PINX1: variants seen among roughly 807,000 people sequenced by gnomAD.
PINX1 encodes the protein PIN2 (TERF1) interacting telomerase inhibitor 1.
In PINX1, 34 loss-of-function variants were observed where a neutral mutation model predicts 25.4. The observed-to-expected ratio is 1.34, with a 90% confidence interval of 1.02 to 1.78. The LOEUF (loss-of-function observed/expected upper bound fraction) is 1.78, where lower values mean the gene tolerates loss of function less well. Ranked by LOEUF, PINX1 falls within the 40% of genes most tolerant of loss-of-function variation. PINX1 has a pLI of 0.00. For missense variants in PINX1, 592 were observed against 404.9 expected, an observed-to-expected ratio of 1.46 and a Z score of -3.97; for synonymous variants, 197 against 147.7, an observed-to-expected ratio of 1.33 and a Z score of -2.42.
chr8:10,765,789 G>C lies in PINX1; in HGVS notation c.599C>G (p.Ser200Cys), dbSNP rs752110709. Residue 200 changes from serine to cysteine, a missense_variant, in exon 7 of 7, where the codon TCT becomes TGT. Ser to Cys is a moderately radical substitution (Grantham distance 112). Transcript: ENST00000314787. ...KNKPQVPVPG[S>C]DISETQVERK... Reference sequence around the variant, plus strand: ...TTCCACCTGCGTCTCAGAAATGTCAGACCCTGGAACTGGAACCTGGGGCTT... The same window carrying C: ...TTCCACCTGCGTCTCAGAAATGTCACACCCTGGAACTGGAACCTGGGGCTT... 1.1e-5 allele frequency: 18 copies of C among 1,613,766 alleles called. No individual in the cohort carries two copies. Among genetic ancestry groups the C allele is most frequent in the African/African-American group, 2.7e-5 (2 of 74,900 alleles).
At chr8:10,783,060 T>G (rs542684007) in intron 6 of PINX1, among the ~76,000 whole-genome samples, 1 of 152,174 alleles carries the variant, frequency 6.6e-6, no homozygotes, top group African/African-American at 2.4e-5. Context: ...GGAGACTCCA[T>G]AGATTGCAAG....
At chr8:10,770,081 A>G (rs1166306196) in intron 6 of PINX1, among the ~76,000 whole-genome samples, 1 of 152,262 alleles carries the variant, frequency 6.6e-6, no homozygotes, top group Non-Finnish European at 1.5e-5. Context: ...TAGCATGTAC[A>G]TTCACTTGAA....
chr8:10,807,875 T>C (rs1802504142), intron 6 of PINX1, among the ~76,000 whole-genome samples: 1 of 152,154 alleles, frequency 6.6e-6, no homozygotes, highest in Admixed American at 6.5e-5. Flanking sequence ...AGCCAGCACC[T>C]AGTCCTGAGG....
At chr8:10,769,356 A>C (rs1801155345) in intron 6 of PINX1, among the ~76,000 whole-genome samples, 1 of 152,164 alleles carries the variant, frequency 6.6e-6, no homozygotes, top group African/African-American at 2.4e-5. Context: ...TTCAGCGCTA[A>C]TGAGTGCATC....
At chr8:10,777,137 C>A (rs1456423659) in intron 6 of PINX1, among the ~76,000 whole-genome samples, 1 of 152,216 alleles carries the variant, frequency 6.6e-6, no homozygotes, top group Non-Finnish European at 1.5e-5. Context: ...ACAAAACAGC[C>A]CAGCAACTTC....
intron 1 of PINX1, among the ~76,000 whole-genome samples, chr8:10,839,422 G>A (rs1798501492): frequency 6.6e-6 from 1 of 152,226 alleles, no homozygotes; most frequent in Admixed American, 6.5e-5. Context: ...ACCAGTCCGG[G>A]ACCCCACAAA....
intron 3 of PINX1, among the ~76,000 whole-genome samples, 185 bp from the exon 4 acceptor site, chr8:10,831,928 C>T (rs1443589608): frequency 3.3e-5 from 5 of 152,058 alleles, no homozygotes; most frequent in Admixed American, 3.3e-4. Flanking sequence ...GCTCTTTATC[C>T]AGGTCAATAT....
chr8:10,827,737 T>C (rs1798101143), intron 4 of PINX1, among the ~76,000 whole-genome samples: 1 of 150,128 alleles, frequency 6.7e-6, no homozygotes, highest in Non-Finnish European at 1.5e-5. Flanking sequence ...AAACCCCGTC[T>C]CTACTAAAAA....
intron 4 of PINX1, among the ~76,000 whole-genome samples, chr8:10,827,547 A>G (rs1462201541): frequency 2.0e-5 from 3 of 152,054 alleles, no homozygotes; most frequent in Admixed American, 1.3e-4. Flanking sequence ...AGAAACGATC[A>G]TAGGCAGAAG....
chr8:10,783,815 C>T lies in PINX1; in HGVS notation c.472-17899G>A, dbSNP rs558259422. ...AGAACTATGAAATAATGAGATATTA[C>T]CCTGAAGGGAGTCATTCTAAGACTA... On this transcript the variant is annotated intron_variant, in intron 6 of 6. Transcript: ENST00000314787. Among the ~76,000 whole-genome samples, 30 of 152,306 alleles carry T rather than the reference C, an allele frequency of 2.0e-4. 1 individual carries two copies. In the East Asian group the frequency reaches 5.8e-3, roughly 29 times the overall value.
chr8:10,807,918 C>A (rs1019439164), intron 6 of PINX1, among the ~76,000 whole-genome samples: 1 of 152,120 alleles, frequency 6.6e-6, no homozygotes, highest in African/African-American at 2.4e-5. Flanking sequence ...AGAGAGAGGT[C>A]TCCTGGGAGA....
At chr8:10,769,174 A>C (rs1801148536) in intron 6 of PINX1, among the ~76,000 whole-genome samples, 1 of 152,204 alleles carries the variant, frequency 6.6e-6, no homozygotes, top group Admixed American at 6.5e-5. Context: ...ATTTAAGCTC[A>C]GGGATTCGGG....
rs114160987 is a variant in PINX1, at chr8:10,832,300, G to A, written c.223-557C>T. On this transcript the variant is annotated intron_variant, in intron 3 of 6. Coordinates refer to ENST00000314787, the MANE Select transcript of PINX1 (RefSeq NM_017884.6). ...AAGTTTATTATAAAAAAATGAACCT[G>A]GCTTTTATAAGAGAATGAAGATCTC... Among the ~76,000 whole-genome samples the A allele has an allele frequency of 5.3e-3, 800 of 152,194 alleles. 5 individuals carry two copies. Among genetic ancestry groups the A allele is most frequent in the African/African-American group, 0.018 (757 of 41,508 alleles).
At chr8:10,823,749 G>A (rs1797948209) in intron 5 of PINX1, among the ~76,000 whole-genome samples, 2 of 152,148 alleles carry the variant, frequency 1.3e-5, no homozygotes, top group Non-Finnish European at 2.9e-5. Context: ...GATCACTTGA[G>A]CCCAGAAGGT....
intron 6 of PINX1, among the ~76,000 whole-genome samples, chr8:10,776,822 T>C (rs1801412423): frequency 6.6e-6 from 1 of 152,080 alleles, no homozygotes; most frequent in Non-Finnish European, 1.5e-5. Flanking sequence ...GACGCAGAGC[T>C]TTGCCTTCTC....
At position 10,799,650 on chromosome 8, in the gene PINX1, T is replaced by A. The variant is rs563282864; in HGVS notation, c.471+20543A>T. ...TGGTGACCACTCCACAGCAGTCTAA[T>A]CCCACTTACTGTCCCTCTCTAAACT... is the stretch of plus-strand genomic sequence containing the variant. On this transcript the variant is annotated intron_variant, in intron 6 of 6. Coordinates refer to ENST00000314787, the MANE Select transcript of PINX1 (RefSeq NM_017884.6). 2.0e-5 allele frequency among the ~76,000 whole-genome samples: 3 copies of A among 152,290 alleles called. No individual in the cohort carries two copies. In the South Asian group the frequency reaches 6.2e-4, roughly 32 times the overall value.
intron 2 of PINX1, among the ~76,000 whole-genome samples, chr8:10,834,179 G>T (rs911007990): frequency 1.3e-5 from 2 of 152,172 alleles, no homozygotes; most frequent in Non-Finnish European, 2.9e-5. Context: ...TTTAGGAGTG[G>T]CAAGTGAGGT....
rs115303492 is a variant in PINX1 at position 10,802,537 on chromosome 8, C to A, written c.471+17656G>T. ...CCATTCTGAAACTCCTATCTCTTTG[C>A]CAGAATCCAGTATCAACAAAAACCT... On this transcript the variant is annotated intron_variant, in intron 6 of 6. Coordinates refer to ENST00000314787, the MANE Select transcript of PINX1 (RefSeq NM_017884.6). Among the ~76,000 whole-genome samples the A allele has an allele frequency of 2.3e-3, 343 of 152,308 alleles. 2 individuals are homozygous for A. The highest frequency in any genetic ancestry group is 7.8e-3 in the African/African-American group (325 of 41,556).
intron 6 of PINX1, among the ~76,000 whole-genome samples, chr8:10,782,078 T>C (rs1801603541): frequency 6.6e-6 from 1 of 151,974 alleles, no homozygotes; most frequent in African/African-American, 2.4e-5. Flanking sequence ...GTAAGTGAAA[T>C]AAACCAGACA....
Sources: gnomAD v4.1 joint callset for allele counts (sites outside exome capture counted in the v4.1 genomes callset) on GRCh38, gnomAD v4.1.1 for gene constraint, MANE v1.5 for transcripts, NCBI Gene and HGNC (gene_info 2026-07-23, HGNC 2026-07-21) for gene names.